Variants in SLC26A7 observed in about 807,000 individuals in gnomAD.
SLC26A7 encodes the protein solute carrier family 26 member 7.
SLC26A7 carries 59 observed loss-of-function variants against 82.5 expected under a neutral mutation model. The ratio of observed to expected loss-of-function variants is 0.72; its 90% CI spans 0.58 to 0.89. SLC26A7 has a LOEUF of 0.89. SLC26A7 is among the 40% of genes least tolerant of loss of function. The pLI is 0.00. For synonymous variants in SLC26A7, 271 were observed against 274.3 expected (o/e 0.99, Z 0.12); for missense variants, 820 against 793.0 (o/e 1.03, Z -0.41).
intron 5 of SLC26A7, among the ~76,000 whole-genome samples, chr8:91,319,168 T>G (rs1006157046): frequency 9.9e-5 from 15 of 152,090 alleles, no homozygotes; most frequent in African/African-American, 3.6e-4. Context: ...ATTGAGGTGG[T>G]TTCTGTCATT....
Position 91,395,411 on chromosome 8 carries a change from G to T in SLC26A7, c.*314G>T. On this transcript the variant is annotated 3_prime_UTR_variant, in exon 19 of 19. Coordinates refer to ENST00000276609, the MANE Select transcript of SLC26A7 (RefSeq NM_052832.4). ...TGTGTTGTTTTATTTCTATTGTGCT[G>T]TAAGTTGATGTTTAAAATTGAGAAA... 1 of 328,736 alleles carries T rather than the reference G, an allele frequency of 3.0e-6. No homozygotes were observed. The highest frequency in any genetic ancestry group is 4.8e-6 in the Non-Finnish European group (1 of 208,134). The allele number at this position is 328,736 out of a possible 1,614,324, so 20.4% of individuals were successfully genotyped here. A position where few individuals can be genotyped will look rare whatever the true frequency, so the allele number is the denominator to read the frequency against.
chr8:91,256,499 A>G (rs2130707387), intron 2 of SLC26A7, among the ~76,000 whole-genome samples: 1 of 152,246 alleles, frequency 6.6e-6, no homozygotes, highest in African/African-American at 2.4e-5. Flanking sequence ...CAGTACATGT[A>G]TGAGACCTTT....
At chr8:91,345,000 T>A (rs1370359863) in intron 9 of SLC26A7, among the ~76,000 whole-genome samples, 1 of 151,832 alleles carries the variant, frequency 6.6e-6, no homozygotes, top group Non-Finnish European at 1.5e-5. Flanking sequence ...TGGAGTGCAG[T>A]GGCACCACTA....
intron 15 of SLC26A7, among the ~76,000 whole-genome samples, chr8:91,388,741 CTTG>C (rs1331809957): frequency 1.3e-5 from 2 of 152,020 alleles, no homozygotes; most frequent in Admixed American, 6.5e-5. Flanking sequence ...TAAGTAAAAT[CTTG>C]TTGTTTTCAT....
intron 2 of SLC26A7, among the ~76,000 whole-genome samples, chr8:91,257,052 A>T (rs948261392): frequency 6.6e-6 from 1 of 152,054 alleles, no homozygotes; most frequent in Admixed American, 6.6e-5. Context: ...GCCCCTTCCC[A>T]TGATGACATG....
At chr8:91,261,781 C>G (rs1222385657) in intron 2 of SLC26A7, among the ~76,000 whole-genome samples, 1 of 152,056 alleles carries the variant, frequency 6.6e-6, no homozygotes, top group Non-Finnish European at 1.5e-5. Flanking sequence ...GTGTGCAAAG[C>G]ATAGCTCCAG....
At chr8:91,227,939 C>G (rs1310582209) in intron 2 of SLC26A7, among the ~76,000 whole-genome samples, 1 of 152,136 alleles carries the variant, frequency 6.6e-6, no homozygotes, top group Non-Finnish European at 1.5e-5. Context: ...GTCACTTGCT[C>G]TTGCTAAAGA....
At chr8:91,376,998 A>G (rs1347325248) in intron 15 of SLC26A7, among the ~76,000 whole-genome samples, 2 of 151,894 alleles carry the variant, frequency 1.3e-5, no homozygotes, top group Non-Finnish European at 1.5e-5. Context: ...ACTAAAACCA[A>G]CTCAGGGCAG....
At chr8:91,244,056 T>C (rs1156742582) in intron 2 of SLC26A7, among the ~76,000 whole-genome samples, 2 of 152,206 alleles carry the variant, frequency 1.3e-5, no homozygotes, top group East Asian at 3.8e-4. Flanking sequence ...GCATAGAGGT[T>C]AATGTTTCTA....
intron 2 of SLC26A7, among the ~76,000 whole-genome samples, chr8:91,262,162 C>T (rs1173866982): frequency 6.6e-6 from 1 of 152,022 alleles, no homozygotes; most frequent in African/African-American, 2.4e-5. Context: ...TGGATAGAAT[C>T]AAGACATTGC....
chr8:91,325,585 G>A (rs1812909776), intron 5 of SLC26A7, among the ~76,000 whole-genome samples: 1 of 152,086 alleles, frequency 6.6e-6, no homozygotes, highest in Non-Finnish European at 1.5e-5. Flanking sequence ...GATGTTGAAG[G>A]CATAAGACTG....
At chr8:91,311,836 A>G (rs1263477200) in intron 4 of SLC26A7, among the ~76,000 whole-genome samples, 3 of 152,146 alleles carry the variant, frequency 2.0e-5, no homozygotes, top group East Asian at 1.9e-4. Flanking sequence ...ATTATTAACT[A>G]TGTATTCCTC....
At chr8:91,311,695 G>C (rs747820260) in intron 4 of SLC26A7, among the ~76,000 whole-genome samples, 2 of 152,094 alleles carry the variant, frequency 1.3e-5, no homozygotes, top group South Asian at 4.1e-4. Flanking sequence ...ACAAAAAAAT[G>C]GTCTATGGTC....
chr8:91,329,317 T>C (rs1421255834), intron 5 of SLC26A7, among the ~76,000 whole-genome samples: 1 of 152,178 alleles, frequency 6.6e-6, no homozygotes, highest in Non-Finnish European at 1.5e-5. Context: ...CATGAGCCTG[T>C]TTTAGCCTGT....
chr8:91,256,379 A>G (rs1810803556), intron 2 of SLC26A7, among the ~76,000 whole-genome samples: 1 of 152,110 alleles, frequency 6.6e-6, no homozygotes. Context: ...ATTCAAGAAT[A>G]AGGTCTGACC....
chr8:91,306,882 T>G (rs1812323703), intron 4 of SLC26A7, among the ~76,000 whole-genome samples: 2 of 151,348 alleles, frequency 1.3e-5, no homozygotes, highest in South Asian at 4.2e-4. Flanking sequence ...TGGGAGAAAA[T>G]TTTTGCAACC....
chr8:91,236,333 G>A (rs1810392676), intron 2 of SLC26A7, among the ~76,000 whole-genome samples: 1 of 152,104 alleles, frequency 6.6e-6, no homozygotes. Context: ...GGGAATAATA[G>A]AGTTAGGAGA....
At chr8:91,235,898 T>C (rs1810387040) in intron 2 of SLC26A7, among the ~76,000 whole-genome samples, 1 of 152,182 alleles carries the variant, frequency 6.6e-6, no homozygotes, top group Non-Finnish European at 1.5e-5. Context: ...GAGTAAAATC[T>C]CTCCTAAAAG....
chr8:91,389,379 A>G lies in SLC26A7; in HGVS notation c.1717A>G (p.Ile573Val), dbSNP rs767328098. ...QSCPNEKCYL[I>V]LDCSGFTFFD... is the part of the protein sequence containing the mutation. ...CTGCCCTAATGAGAAGTGTTATTTA[A>G]TCCTGGATTGCAGTGGATTTACCTT... Residue 573 changes from isoleucine to valine, a missense_variant, in exon 16 of 19, where the codon ATC (isoleucine) becomes GTC (valine). Physicochemically the swap from Ile to Val is conservative, Grantham distance 29 (BLOSUM62 3). Coordinates refer to ENST00000276609, the MANE Select transcript of SLC26A7 (RefSeq NM_052832.4). The G allele has an allele frequency of 3.1e-6, 5 of 1,614,086 alleles. No homozygotes were observed. The highest frequency in any genetic ancestry group is 4.2e-6 in the Non-Finnish European group (5 of 1,179,966).
Sources: allele counts gnomAD v4.1 joint callset (sites outside exome capture counted in the v4.1 genomes callset), GRCh38; gene constraint gnomAD v4.1.1; transcripts MANE v1.5; gene names NCBI Gene and HGNC (gene_info 2026-07-23, HGNC 2026-07-21).